Variants in ZBTB40 observed in about 807,000 individuals in gnomAD.
ZBTB40 encodes the protein zinc finger and BTB domain containing 40.
ZBTB40 carries 60 observed loss-of-function variants against 117.5 expected under a neutral mutation model. That is an observed-to-expected ratio of 0.51 (90% CI 0.41 to 0.63). ZBTB40 has a LOEUF of 0.63. Ranked by LOEUF, ZBTB40 falls within the 30% of genes least tolerant of loss-of-function variation. The pLI is 0.00. For missense variants in ZBTB40, 1,287 were observed against 1,498.5 expected (o/e 0.86, Z 2.33); for synonymous variants, 525 against 577.1 (o/e 0.91, Z 1.29).
At chr1:22,517,591 G>T (rs546561872) in intron 13 of ZBTB40, 127 bp downstream of exon 13, 2 of 1,155,012 alleles carry the variant, frequency 1.7e-6, no homozygotes, top group Non-Finnish European at 2.4e-6. Context: ...TACCTGTTCC[G>T]CTGCAAAACC....
chr1:22,438,525 G>T (rs967666538), intron 1 of ZBTB40, among the ~76,000 whole-genome samples: 9 of 152,076 alleles, frequency 5.9e-5, no homozygotes, highest in Non-Finnish European at 1.3e-4. Flanking sequence ...TTCAATTTTG[G>T]AGTATACACC....
At chr1:22,468,140 ACAGT>A (rs1430571079) in intron 1 of ZBTB40, among the ~76,000 whole-genome samples, 6 of 151,818 alleles carry the variant, frequency 4.0e-5, no homozygotes, top group Non-Finnish European at 8.8e-5. Context: ...TTTACTGTTG[ACAGT>A]CACTTTGCTA....
chr1:22,444,036 G>A (rs540091542), intron 1 of ZBTB40, among the ~76,000 whole-genome samples: 90 of 152,244 alleles, frequency 5.9e-4, no homozygotes, highest in Non-Finnish European at 1.2e-3. Context: ...AGACATAAGC[G>A]GGGCAGGAGA....
At chr1:22,437,070 A>G (rs1370164733) in intron 1 of ZBTB40, among the ~76,000 whole-genome samples, 1 of 152,180 alleles carries the variant, frequency 6.6e-6, no homozygotes, top group Non-Finnish European at 1.5e-5. Context: ...GCTGGCATGT[A>G]AGAAACTTGG....
rs920635586 is a variant in ZBTB40, at chr1:22,528,725, A to G, written c.*2329A>G. 2 of 148,014 alleles carry G rather than the reference A, an allele frequency of 1.4e-5. No homozygotes were observed. The highest frequency in any genetic ancestry group is 1.4e-4 in the Admixed American group (2 of 14,812). 9.2% of individuals were successfully genotyped at this position (148,014 alleles called of 1,614,324 possible). Reference sequence around the variant, plus strand: ...TATTTTTTTTTTTTTTTGTAGAGACAGGGTCTCGCCATGTTGCCCAGGCTG... The same window carrying G: ...TATTTTTTTTTTTTTTTGTAGAGACGGGGTCTCGCCATGTTGCCCAGGCTG... On this transcript the variant is annotated 3_prime_UTR_variant, in exon 18 of 18. Coordinates refer to ENST00000375647, the MANE Select transcript of ZBTB40 (RefSeq NM_014870.4).
intron 1 of ZBTB40, among the ~76,000 whole-genome samples, chr1:22,472,075 T>G (rs1285178681): frequency 1.6e-4 from 24 of 152,194 alleles, no homozygotes; most frequent in Admixed American, 1.6e-3. Context: ...AGGAGGATTG[T>G]TTGGGCAGGG....
intron 6 of ZBTB40, 65 bp downstream of exon 6, chr1:22,506,306 C>G: frequency 6.6e-7 from 1 of 1,514,314 alleles, no homozygotes; most frequent in Non-Finnish European, 9.2e-7. Context: ...GCTTGAAACA[C>G]CCTTTTGGCT....
At position 22,493,224 on chromosome 1, in the gene ZBTB40, G is replaced by A. The variant is rs533302358; in HGVS notation, c.831+1691G>A. Among the ~76,000 whole-genome samples, 12 of 152,250 alleles carry A rather than the reference G, an allele frequency of 7.9e-5. No individual in the cohort carries two copies. In the South Asian group the frequency reaches 2.5e-3, roughly 32 times the overall value. On this transcript the variant is annotated intron_variant, in intron 3 of 17. Transcript: ENST00000375647. ...TTCAAAAGAACACTGATTTGCTGTT[G>A]GTGATCATTATAGGCTTATGTTATT... is the stretch of plus-strand genomic sequence containing the variant.
chr1:22,489,866 G>T lies in ZBTB40; in HGVS notation c.-69-14G>T. ...TTTTGAAGTTTTAACCTGGTATTTT[G>T]TGGGTTTCTCTAGGGCCTGTCCTCC... On this transcript the variant is annotated splice_polypyrimidine_tract_variant and intron_variant, in intron 1 of 17. Transcript: ENST00000375647. 2 of 1,325,914 alleles carry T rather than the reference G, an allele frequency of 1.5e-6. No homozygotes were observed. Among genetic ancestry groups the T allele is most frequent in the South Asian group, 1.2e-5 (1 of 85,074 alleles). The allele number at this position is 1,325,914 out of a possible 1,614,324, so 82.1% of individuals were successfully genotyped here. A position where few individuals can be genotyped will look rare whatever the true frequency, so the allele number is the denominator to read the frequency against.
At chr1:22,449,814 A>G (rs999698284), upstream of ZBTB40, among the ~76,000 whole-genome samples, 14 of 152,214 alleles carry the variant, frequency 9.2e-5, no homozygotes, top group Non-Finnish European at 1.9e-4. Flanking sequence ...TGTTAAGTGG[A>G]ACAGGAGGGA....
In ZBTB40 at chr1:22,456,357, A is replaced by C. The variant is rs190961700; in HGVS notation, c.-70+4353A>C. ...TATTTAACTCCAAATCCTCAAAATT[A>C]TGATGCCACGTATTTCATTTCCTTA... On this transcript the variant is annotated intron_variant, in intron 1 of 17. Coordinates refer to ENST00000375647, the MANE Select transcript of ZBTB40 (RefSeq NM_014870.4). Among the ~76,000 whole-genome samples the C allele has an allele frequency of 7.9e-5, 12 of 152,314 alleles. No individual in the cohort carries two copies. The East Asian group carries it at 2.3e-3, about 29-fold the overall frequency.
rs76149452 is a variant in ZBTB40, at chr1:22,474,740, T to C, written c.-69-15140T>C. On this transcript the variant is annotated intron_variant, in intron 1 of 17. Transcript: ENST00000375647. ...GCCTCTCAGGACCTTAGTTTCCTCC[T>C]TTAAAAAGGAAGGAGATTGGACTAA... Among the ~76,000 whole-genome samples, 59 of 152,234 alleles carry C rather than the reference T, an allele frequency of 3.9e-4. No individual in the cohort carries two copies. In the East Asian group the frequency reaches 0.011, roughly 28 times the overall value.
chr1:22,451,691 G>C (rs934494372), upstream of ZBTB40, among the ~76,000 whole-genome samples: 6 of 151,928 alleles, frequency 3.9e-5, no homozygotes, highest in Non-Finnish European at 7.4e-5. Flanking sequence ...AGTGTGGGGA[G>C]GGAAGGAGGG....
At chr1:22,429,372 C>G (rs998614223) in intron 1 of ZBTB40, among the ~76,000 whole-genome samples, 1 of 151,240 alleles carries the variant, frequency 6.6e-6, no homozygotes, top group Non-Finnish European at 1.5e-5. Flanking sequence ...TAGAGCAAGA[C>G]TCCGCCTCAA....
rs1046858335 is a variant in ZBTB40, at chr1:22,506,125, A to T, written c.1244A>T (p.Lys415Met). ...ENLLHRMTEE[K>M]TLTAEGLVKL... Reference sequence around the variant, plus strand: ...TTGTTGCACAGAATGACTGAAGAGAAGACGCTGACTGCTGAGGGTTTGGTA... The same window carrying T: ...TTGTTGCACAGAATGACTGAAGAGATGACGCTGACTGCTGAGGGTTTGGTA... The change falls in exon 6 of 18, where the codon AAG (lysine) becomes ATG (methionine). Residue 415 changes from lysine to methionine, a missense_variant. Lys to Met is a moderately conservative substitution (Grantham distance 95). Coordinates refer to ENST00000375647, the MANE Select transcript of ZBTB40 (RefSeq NM_014870.4). 1 of 1,614,202 alleles carries T rather than the reference A, an allele frequency of 6.2e-7. No homozygotes were observed. Among genetic ancestry groups the T allele is most frequent in the South Asian group, 1.1e-5 (1 of 91,082 alleles).
chr1:22,492,772 C>G (rs1345122943), intron 3 of ZBTB40, among the ~76,000 whole-genome samples: 1 of 152,236 alleles, frequency 6.6e-6, no homozygotes, highest in Admixed American at 6.5e-5. Context: ...ACCCTGATGA[C>G]TCTCTTTGGG....
intron 1 of ZBTB40, among the ~76,000 whole-genome samples, chr1:22,431,362 T>TTGTG (rs1179435023): frequency 0.011 from 1,274 of 112,778 alleles, 27 homozygotes; most frequent in African/African-American, 0.044. Flanking sequence ...CATATATATT[T>TTGTG]TGTGTGTGTG....
Position 22,522,479 on chromosome 1 carries a change from A to T in ZBTB40, c.3298+16A>T. On this transcript the variant is annotated intron_variant, in intron 16 of 17. Coordinates refer to ENST00000375647, the MANE Select transcript of ZBTB40 (RefSeq NM_014870.4). ...CAGCATTCAGGTCAGTACCCCTGTC[A>T]GCATACTTCTAGGCTAGACTCGGGG... 6.2e-7 allele frequency: 1 copy of T among 1,613,642 alleles called. No homozygotes were observed. The highest frequency in any genetic ancestry group is 8.5e-7 in the Non-Finnish European group (1 of 1,179,660).
rs555995462 is a variant in ZBTB40 at position 22,468,465 on chromosome 1, C to CTTTT, written c.-70+16485_-70+16488dup. On this transcript the variant is annotated intron_variant, in intron 1 of 17. Coordinates refer to ENST00000375647, the MANE Select transcript of ZBTB40 (RefSeq NM_014870.4). The stretch of plus-strand genomic sequence containing the variant: ...TTAAAATTTAAAATGTTAATGTTTC[C>CTTTT]TTTTTTTTTTTTTTTTTTTTTTTTT... 3.3e-4 allele frequency among the ~76,000 whole-genome samples: 17 copies of CTTTT among 51,722 alleles called. 4 individuals are homozygous for CTTTT. The highest frequency in any genetic ancestry group is 8.3e-4 in the African/African-American group (7 of 8,448). The allele number at this position is 51,722 out of a possible 152,430, so 33.9% of individuals were successfully genotyped here.
Sources: allele counts gnomAD v4.1 joint callset (sites outside exome capture counted in the v4.1 genomes callset), GRCh38; gene constraint gnomAD v4.1.1; transcripts MANE v1.5; gene names NCBI Gene and HGNC (gene_info 2026-07-23, HGNC 2026-07-21).